The following DLG2 variants were observed in gnomAD, a reference collection of about 807,000 sequenced individuals.
DLG2 encodes the protein discs large MAGUK scaffold protein 2.
DLG2 carries 45 observed loss-of-function variants against 132.5 expected under a neutral mutation model. The ratio of observed to expected loss-of-function variants is 0.34; its 90% confidence interval spans 0.27 to 0.44. The LOEUF (loss-of-function observed/expected upper bound fraction) is 0.44. Among genes scored for constraint, DLG2 ranks in the 20% least tolerant of loss-of-function variants. The pLI is 1.00. For synonymous variants in DLG2, 424 were observed against 419.6 expected, an observed-to-expected ratio of 1.01 and a Z score of -0.13; for missense variants, 1,045 against 1,196.9, an observed-to-expected ratio of 0.87 and a Z score of 1.87.
intron 9 of DLG2, among the ~76,000 whole-genome samples, chr11:84,123,714 C>T (rs1438168624): frequency 6.6e-6 from 1 of 152,164 alleles, no homozygotes; most frequent in Non-Finnish European, 1.5e-5. Flanking sequence ...TTAACCATTT[C>T]TTTTGCATGA....
chr11:83,753,576 A>C (rs1015066353), intron 18 of DLG2, among the ~76,000 whole-genome samples: 2 of 150,102 alleles, frequency 1.3e-5, no homozygotes, highest in Non-Finnish European at 3.0e-5. Context: ...ACTCAAGTAA[A>C]ATTAAAGTTT....
chr11:83,955,918 A>T (rs2086709724), intron 14 of DLG2, among the ~76,000 whole-genome samples: 1 of 152,014 alleles, frequency 6.6e-6, no homozygotes, highest in Non-Finnish European at 1.5e-5. Context: ...CCTACTTTTG[A>T]GATTTTGGGA....
chr11:85,309,453 A>C (rs995127919), intron 3 of DLG2, among the ~76,000 whole-genome samples: 3 of 151,604 alleles, frequency 2.0e-5, no homozygotes, highest in Non-Finnish European at 2.9e-5. Context: ...AATTAGCATG[A>C]AGTCAATAAA....
At chr11:84,096,119 G>A (rs917838838) in intron 10 of DLG2, among the ~76,000 whole-genome samples, 15 of 152,134 alleles carry the variant, frequency 9.9e-5, no homozygotes, top group Non-Finnish European at 1.3e-4. Flanking sequence ...ATACCTAAGC[G>A]ACATTCAGAA....
At chr11:84,537,341 G>C (rs1228163578) in intron 6 of DLG2, among the ~76,000 whole-genome samples, 1 of 151,990 alleles carries the variant, frequency 6.6e-6, no homozygotes, top group Non-Finnish European at 1.5e-5. Context: ...TCTTACCGCA[G>C]GTGATCCGTC....
chr11:84,081,073 T>C (rs2096895991), intron 10 of DLG2, among the ~76,000 whole-genome samples: 1 of 152,090 alleles, frequency 6.6e-6, no homozygotes, highest in Non-Finnish European at 1.5e-5. Flanking sequence ...TAAATCAGAC[T>C]ATAATATTTA....
At chr11:85,399,005 C>A (rs901145085) in intron 3 of DLG2, among the ~76,000 whole-genome samples, 3 of 152,092 alleles carry the variant, frequency 2.0e-5, no homozygotes, top group South Asian at 4.1e-4. Flanking sequence ...TGTTTGCAGA[C>A]CACATGATTG....
At chr11:84,314,336 G>A (rs1201359564) in intron 7 of DLG2, among the ~76,000 whole-genome samples, 1 of 152,168 alleles carries the variant, frequency 6.6e-6, no homozygotes, top group Non-Finnish European at 1.5e-5. Context: ...GATATTCCCA[G>A]TTAATTTAAG....
intron 9 of DLG2, among the ~76,000 whole-genome samples, chr11:84,104,367 C>T (rs938571005): frequency 1.3e-5 from 2 of 151,926 alleles, no homozygotes; most frequent in Admixed American, 6.6e-5. Flanking sequence ...GGGAGCTAAA[C>T]ATCGGGTACA....
chr11:85,185,700 A>G (rs1461939056), intron 4 of DLG2, among the ~76,000 whole-genome samples: 2 of 151,846 alleles, frequency 1.3e-5, no homozygotes, highest in East Asian at 1.9e-4. Context: ...CTTTGTCCTC[A>G]TAACACCCTC....
intron 11 of DLG2, among the ~76,000 whole-genome samples, chr11:83,982,749 A>C (rs2092908173): frequency 6.6e-6 from 1 of 152,124 alleles, no homozygotes; most frequent in East Asian, 1.9e-4. Flanking sequence ...TTACTCATTC[A>C]CTGATTTACC....
chr11:84,980,437 C>T (rs1031475311), intron 6 of DLG2, among the ~76,000 whole-genome samples: 39 of 152,086 alleles, frequency 2.6e-4, no homozygotes, highest in Non-Finnish European at 4.6e-4. Context: ...ATTCCTCCCC[C>T]TATACAGGCC....
At chr11:84,003,438 G>C (rs2094445193) in intron 11 of DLG2, among the ~76,000 whole-genome samples, 3 of 152,168 alleles carry the variant, frequency 2.0e-5, no homozygotes, top group Admixed American at 2.0e-4. Context: ...GTCTGGGACT[G>C]AGTGATTTAT....
chr11:83,588,298 G>T (rs1171545359), intron 19 of DLG2, among the ~76,000 whole-genome samples: 2 of 150,534 alleles, frequency 1.3e-5, no homozygotes, highest in Admixed American at 6.6e-5. Context: ...AGAACGGGCA[G>T]ACTGCCTCCT....
rs1416161421 is a variant in DLG2 at position 84,650,865 on chromosome 11, G to GTATATATATA, written c.358-116135_358-116134insTATATATATA. Among the ~76,000 whole-genome samples the GTATATATATA allele has an allele frequency of 1.8e-3, 158 of 87,776 alleles. 1 individual carries two copies. The highest frequency in any genetic ancestry group is 1.8e-3 in the Non-Finnish European group (80 of 43,296). The allele number at this position is 87,776 out of a possible 152,430, so 57.6% of individuals were successfully genotyped here. Reference sequence around the variant, plus strand: ...CTTTCCTGTATGTGTGTGTGTGTGTGTGTGTGTGTATATATATATATATAT... The same window carrying GTATATATATA: ...CTTTCCTGTATGTGTGTGTGTGTGTGTATATATATATGTGTGTGTATATATATATATATAT... On this transcript the variant is annotated intron_variant, in intron 6 of 27. Coordinates refer to ENST00000376104, the MANE Select transcript of DLG2 (RefSeq NM_001142699.3).
chr11:85,615,005 T>A (rs1291710474), intron 2 of DLG2, among the ~76,000 whole-genome samples: 1 of 152,208 alleles, frequency 6.6e-6, no homozygotes, highest in South Asian at 2.1e-4. Flanking sequence ...CAATTATACT[T>A]TACCCTCCCT....
chr11:85,481,650 C>G (rs1302082477), intron 3 of DLG2, among the ~76,000 whole-genome samples: 2 of 152,176 alleles, frequency 1.3e-5, no homozygotes, highest in Non-Finnish European at 2.9e-5. Flanking sequence ...AATTAAGTAT[C>G]CAGGCTGCCC....
chr11:84,285,516 T>C (rs947304981), intron 7 of DLG2, among the ~76,000 whole-genome samples: 14 of 152,312 alleles, frequency 9.2e-5, no homozygotes, highest in African/African-American at 3.4e-4. Flanking sequence ...TTCTCCAGAA[T>C]GCTCTCCCAC....
intron 6 of DLG2, among the ~76,000 whole-genome samples, chr11:84,705,046 T>C (rs1204131020): frequency 1.3e-5 from 2 of 151,620 alleles, no homozygotes; most frequent in African/African-American, 2.4e-5. Flanking sequence ...AACAAACTTT[T>C]TAGCTGGTTG....
Sources: allele counts gnomAD v4.1 joint callset (sites outside exome capture counted in the v4.1 genomes callset), GRCh38; gene constraint gnomAD v4.1.1; transcripts MANE v1.5; gene names NCBI Gene and HGNC (gene_info 2026-07-23, HGNC 2026-07-21).